PCDHA6: variants seen among roughly 807,000 people sequenced by gnomAD.
PCDHA6 encodes protocadherin alpha 6.
In PCDHA6, 55 loss-of-function variants were observed where a neutral mutation model predicts 60.3. The observed-to-expected ratio is 0.91, with a 90% CI of 0.73 to 1.14. The LOEUF (loss-of-function observed/expected upper bound fraction) is 1.14, where lower values mean the gene tolerates loss of function less well. Among genes scored for constraint, PCDHA6 ranks in the 50% most tolerant of loss-of-function variants. The probability of loss-of-function intolerance (pLI) is 0.00; values close to 1 mark genes in which losing one functional copy is unlikely to be tolerated. For missense variants in PCDHA6, 1,327 were observed against 1,256.5 expected (o/e 1.06, Z -0.85); for synonymous variants, 652 against 557.9 (o/e 1.17, Z -2.38).
intron 1 of PCDHA6, among the ~76,000 whole-genome samples, chr5:140,961,302 A>G (rs1383841228): frequency 6.6e-6 from 1 of 152,222 alleles, no homozygotes; most frequent in African/African-American, 2.4e-5. Context: ...GTTAAAGAAC[A>G]TGATTTACCA....
chr5:140,941,447 C>T (rs1180553779), intron 1 of PCDHA6, among the ~76,000 whole-genome samples: 1 of 150,780 alleles, frequency 6.6e-6, no homozygotes, highest in South Asian at 2.1e-4. Flanking sequence ...TCGGGAGTAG[C>T]TGGGATTACA....
chr5:140,828,460 G>A lies in PCDHA6; in HGVS notation c.369G>A (p.Val123=). The A allele has an allele frequency of 6.2e-7, 1 of 1,614,278 alleles. No homozygotes were observed. The highest frequency in any genetic ancestry group is 8.5e-7 in the Non-Finnish European group (1 of 1,180,056). The change falls in exon 1 of 4, where the codon GTG becomes GTA. Residue 123 remains valine, a synonymous_variant. Transcript: ENST00000529310. ...AGGTTTTCCATGTGGACGTGGAGGT[G>A]AGGGACATTAACGACAACCCGCCCT... is the stretch of plus-strand genomic sequence containing the variant. ...PLQVFHVDVE[V]RDINDNPPLF...
intron 1 of PCDHA6, among the ~76,000 whole-genome samples, chr5:140,932,531 G>A (rs1379233805): frequency 4.6e-5 from 7 of 151,752 alleles, no homozygotes; most frequent in Non-Finnish European, 8.9e-5. Context: ...TGGCATTCAA[G>A]GTGCTTTATT....
At chr5:141,009,345 G>C (rs1409011729) in intron 3 of PCDHA6, among the ~76,000 whole-genome samples, 1 of 152,164 alleles carries the variant, frequency 6.6e-6, no homozygotes, top group African/African-American at 2.4e-5. Context: ...TGTAGTTCCA[G>C]CTACTTGGGA....
chr5:140,831,837 T>C (rs1771726817), intron 1 of PCDHA6, among the ~76,000 whole-genome samples: 1 of 152,194 alleles, frequency 6.6e-6, no homozygotes, highest in Non-Finnish European at 1.5e-5. Flanking sequence ...GTTTCAATGA[T>C]AGAATTGTCA....
chr5:140,898,506 G>A (rs1185053384), intron 1 of PCDHA6, among the ~76,000 whole-genome samples: 2 of 152,132 alleles, frequency 1.3e-5, no homozygotes, highest in Admixed American at 1.3e-4. Context: ...TTGTAGATAT[G>A]CGGCGTTATT....
At chr5:140,928,304 AC>A (rs782506310) in intron 1 of PCDHA6, 98 of 1,613,908 alleles carry the variant, frequency 6.1e-5, no homozygotes, top group Non-Finnish European at 7.9e-5. Flanking sequence ...TTTGCCCAGG[AC>A]CCCGACCTGG....
At chr5:140,893,488 C>G (rs2064010316) in intron 1 of PCDHA6, among the ~76,000 whole-genome samples, 1 of 151,368 alleles carries the variant, frequency 6.6e-6, no homozygotes, top group Non-Finnish European at 1.5e-5. Flanking sequence ...CCCTGTTCTT[C>G]ACAAAAAAGA....
intron 3 of PCDHA6, among the ~76,000 whole-genome samples, chr5:141,000,038 C>T (rs1554257087): frequency 3.3e-5 from 5 of 152,092 alleles, no homozygotes; most frequent in Non-Finnish European, 5.9e-5. Flanking sequence ...TCCAATCACA[C>T]ACACACCACT....
chr5:140,871,499 G>T, intron 1 of PCDHA6: 1 of 1,584,436 alleles, frequency 6.3e-7, no homozygotes, highest in Admixed American at 1.8e-5. Flanking sequence ...GGACAGGTGA[G>T]TTTTCTACAG....
intron 1 of PCDHA6, chr5:140,871,184 A>G (rs2052793987): frequency 6.2e-7 from 1 of 1,613,434 alleles, no homozygotes; most frequent in African/African-American, 1.3e-5. Context: ...GCGCTGGTGG[A>G]TGTCAACGTG....
intron 1 of PCDHA6, among the ~76,000 whole-genome samples, chr5:140,975,411 G>A (rs868983297): frequency 6.6e-6 from 1 of 152,236 alleles, no homozygotes; most frequent in African/African-American, 2.4e-5. Flanking sequence ...CAGTCTTGGA[G>A]ACTATTCAGG....
intron 1 of PCDHA6, among the ~76,000 whole-genome samples, chr5:140,874,944 G>A (rs2055185348): frequency 6.6e-6 from 1 of 152,170 alleles, no homozygotes; most frequent in Non-Finnish European, 1.5e-5. Context: ...TGAAACAGCG[G>A]AATTGTAAGC....
At chr5:140,895,949 T>C (rs1413820088) in intron 1 of PCDHA6, among the ~76,000 whole-genome samples, 1 of 152,256 alleles carries the variant, frequency 6.6e-6, no homozygotes, top group East Asian at 1.9e-4. Context: ...TAGCTGGGAT[T>C]ACAGGTGCCT....
chr5:140,869,837 C>A (rs374182289), intron 1 of PCDHA6: 48 of 1,611,366 alleles, frequency 3.0e-5, no homozygotes, highest in Non-Finnish European at 3.6e-5. Flanking sequence ...TTTGATAAAT[C>A]AGAATATAAG....
At position 140,829,657 on chromosome 5, in the gene PCDHA6, G is replaced by A. The variant is rs1554132157; in HGVS notation, c.1566G>A (p.Pro522=). ...AESGKVYALQ[P]LDHEELELLQ... is the part of the protein sequence containing the mutation. ...GCGGCAAGGTGTACGCGCTGCAGCC[G>A]CTGGACCACGAGGAGCTAGAGCTGC... is the stretch of plus-strand genomic sequence containing the variant. The change falls in exon 1 of 4, where the codon CCG becomes CCA. Residue 522 remains proline, a synonymous_variant. Coordinates refer to ENST00000529310, the MANE Select transcript of PCDHA6 (RefSeq NM_018909.4). 1.2e-6 allele frequency: 2 copies of A among 1,612,592 alleles called. No individual in the cohort carries two copies. Among genetic ancestry groups the A allele is most frequent in the Non-Finnish European group, 1.7e-6 (2 of 1,179,830 alleles).
chr5:140,930,329 A>C (rs868965676), intron 1 of PCDHA6: 1 of 152,198 alleles, frequency 6.6e-6, no homozygotes, highest in African/African-American at 2.4e-5. Context: ...AATGTATCTA[A>C]TGAAAGTTAA....
At chr5:140,868,202 A>C (rs1401388364) in intron 1 of PCDHA6, 1 of 152,188 alleles carries the variant, frequency 6.6e-6, no homozygotes, top group Non-Finnish European at 1.5e-5. Flanking sequence ...GGCTTACATT[A>C]GAAATAATAT....
At chr5:140,890,223 G>C (rs1218987173) in intron 1 of PCDHA6, among the ~76,000 whole-genome samples, 3 of 152,108 alleles carry the variant, frequency 2.0e-5, no homozygotes, top group Non-Finnish European at 4.4e-5. Context: ...CAGAGACCTA[G>C]TTGTTAAGCA....
Sources: gnomAD v4.1 joint callset for allele counts (sites outside exome capture counted in the v4.1 genomes callset) on GRCh38, gnomAD v4.1.1 for gene constraint, MANE v1.5 for transcripts, NCBI Gene and HGNC (gene_info 2026-07-23, HGNC 2026-07-21) for gene names.